The following XKR4 variants were observed in gnomAD, a reference collection of about 807,000 sequenced individuals.
XKR4 encodes the protein XK related 4.
XKR4 carries 12 observed loss-of-function variants against 53.9 expected under a neutral mutation model. The observed-to-expected ratio is 0.22, with a 90% CI of 0.14 to 0.36. The LOEUF is 0.36. XKR4 is among the 10% of genes least tolerant of loss of function. The pLI, the probability that XKR4 is intolerant of heterozygous loss-of-function variation, is 1.00. For missense variants in XKR4, 799 were observed against 859.5 expected, an observed-to-expected ratio of 0.93 and a Z score of 0.88; for synonymous variants, 354 against 362.4, an observed-to-expected ratio of 0.98 and a Z score of 0.26.
intron 2 of XKR4, among the ~76,000 whole-genome samples, chr8:55,520,439 A>C (rs955274983): frequency 6.6e-6 from 1 of 152,190 alleles, no homozygotes; most frequent in Non-Finnish European, 1.5e-5. Flanking sequence ...TACAAAACTT[A>C]GCCAGGCGTG....
At chr8:55,268,009 A>G (rs994382823) in intron 1 of XKR4, among the ~76,000 whole-genome samples, 1 of 152,222 alleles carries the variant, frequency 6.6e-6, no homozygotes, top group Admixed American at 6.5e-5. Context: ...GGACATATGG[A>G]AATGAAAGAT....
intron 1 of XKR4, among the ~76,000 whole-genome samples, chr8:55,199,499 A>G (rs941971221): frequency 2.0e-5 from 3 of 152,208 alleles, no homozygotes; most frequent in Non-Finnish European, 4.4e-5. Flanking sequence ...GTTCATCTTT[A>G]CCACAGACCT....
At chr8:55,260,653 G>A (rs532687368) in intron 1 of XKR4, among the ~76,000 whole-genome samples, 1 of 152,276 alleles carries the variant, frequency 6.6e-6, no homozygotes, top group African/African-American at 2.4e-5. Context: ...TTATAGACAG[G>A]CTTGAGGAGG....
intron 2 of XKR4, among the ~76,000 whole-genome samples, chr8:55,497,317 T>C (rs560876707): frequency 7.2e-5 from 11 of 152,224 alleles, no homozygotes; most frequent in Non-Finnish European, 1.6e-4. Flanking sequence ...ACAAAATTTG[T>C]GGGAGGATTT....
intron 1 of XKR4, among the ~76,000 whole-genome samples, chr8:55,122,156 A>C (rs943616364): frequency 6.1e-4 from 93 of 152,216 alleles, no homozygotes; most frequent in African/African-American, 2.2e-3. Context: ...GCCAACAAAT[A>C]AGATGGCCAT....
At chr8:55,167,855 G>A (rs1010482066) in intron 1 of XKR4, among the ~76,000 whole-genome samples, 2 of 152,206 alleles carry the variant, frequency 1.3e-5, no homozygotes, top group African/African-American at 4.8e-5. Context: ...GGCTGAACCA[G>A]CATAGAAGCC....
chr8:55,273,252 C>A (rs1484850959), intron 1 of XKR4, among the ~76,000 whole-genome samples: 1 of 151,892 alleles, frequency 6.6e-6, no homozygotes, highest in Non-Finnish European at 1.5e-5. Flanking sequence ...CTGAAACCAT[C>A]TTTGCAAAAT....
chr8:55,304,709 A>G (rs991598252), intron 1 of XKR4, among the ~76,000 whole-genome samples: 3 of 152,156 alleles, frequency 2.0e-5, no homozygotes, highest in Non-Finnish European at 4.4e-5. Flanking sequence ...TATTTAGGAT[A>G]GATAGCTCTT....
intron 2 of XKR4, among the ~76,000 whole-genome samples, chr8:55,463,082 T>G (rs376969846): frequency 2.6e-5 from 4 of 151,956 alleles, no homozygotes; most frequent in Admixed American, 2.6e-4. Context: ...AGAAAGTTAA[T>G]GAGGATATCC....
At chr8:55,419,300 G>A (rs184257630) in intron 2 of XKR4, among the ~76,000 whole-genome samples, 2 of 152,242 alleles carry the variant, frequency 1.3e-5, no homozygotes, top group East Asian at 3.9e-4. Flanking sequence ...CATGAGAATC[G>A]CTTGAACCCT....
intron 2 of XKR4, chr8:55,449,472 C>A: frequency 1.0e-6 from 1 of 996,676 alleles, no homozygotes; most frequent in Admixed American, 2.0e-5. Flanking sequence ...TGGTCGGTAA[C>A]GACTGGAAGC....
chr8:55,269,991 A>G (rs1818663339), intron 1 of XKR4, among the ~76,000 whole-genome samples: 1 of 152,198 alleles, frequency 6.6e-6, no homozygotes, highest in Admixed American at 6.5e-5. Flanking sequence ...GTTATTTTGG[A>G]GTCATTGGCA....
chr8:55,472,888 G>A (rs761372012), intron 2 of XKR4, among the ~76,000 whole-genome samples: 22 of 151,928 alleles, frequency 1.4e-4, no homozygotes, highest in Non-Finnish European at 2.5e-4. Flanking sequence ...TTATGTTCTC[G>A]GCATCTTACA....
chr8:55,237,607 G>T (rs1332241850), intron 1 of XKR4, among the ~76,000 whole-genome samples: 3 of 152,170 alleles, frequency 2.0e-5, no homozygotes, highest in Non-Finnish European at 4.4e-5. Context: ...AGCACATGTT[G>T]TTCAAGGATC....
intron 1 of XKR4, among the ~76,000 whole-genome samples, chr8:55,304,258 C>T (rs1475016456): frequency 6.6e-6 from 1 of 152,076 alleles, no homozygotes; most frequent in Non-Finnish European, 1.5e-5. Flanking sequence ...CGTTATGTAC[C>T]CAGTAGTCAT....
intron 1 of XKR4, among the ~76,000 whole-genome samples, chr8:55,182,785 C>A (rs1275166441): frequency 6.7e-6 from 1 of 149,494 alleles, no homozygotes; most frequent in Admixed American, 6.7e-5. Context: ...AGACCTTTTG[C>A]CTTTCATATA....
Position 55,102,638 on chromosome 8 carries a change from C to A in XKR4, c.150C>A (p.Ala50=). 2 of 1,364,150 alleles carry A rather than the reference C, an allele frequency of 1.5e-6. No individual in the cohort carries two copies. Among genetic ancestry groups the A allele is most frequent in the Non-Finnish European group, 1.9e-6 (2 of 1,044,574 alleles). 84.5% of individuals were successfully genotyped at this position (1,364,150 alleles called of 1,614,324 possible). The change falls in exon 1 of 3, where the codon GCC becomes GCA. Residue 50 remains alanine (A), a synonymous_variant. Coordinates refer to ENST00000327381, the MANE Select transcript of XKR4 (RefSeq NM_052898.2). The surrounding 1 kb of genome is among the most constrained non-coding windows in gnomAD (Gnocchi z 5.1). The part of the protein sequence containing the change: ...SGSGAEDEEA[A]GGGCCPDGGG... ...CGGGAGCCGAGGACGAGGAGGCGGCCGGGGGCGGCTGCTGCCCGGACGGCG... is the reference window on the plus strand; with the variant it reads ...CGGGAGCCGAGGACGAGGAGGCGGCAGGGGGCGGCTGCTGCCCGGACGGCG...
Position 55,532,373 on chromosome 8 carries a change from G to T in XKR4, c.*8146G>T, listed in dbSNP as rs184480767. The T allele has an allele frequency of 1.3e-5, 2 of 152,140 alleles. No homozygotes were observed. The highest frequency in any genetic ancestry group is 3.9e-4 in the East Asian group (2 of 5,184). 9.4% of individuals were successfully genotyped at this position (152,140 alleles called of 1,614,324 possible). On this transcript the variant is annotated 3_prime_UTR_variant, in exon 3 of 3. Coordinates refer to ENST00000327381, the MANE Select transcript of XKR4 (RefSeq NM_052898.2). ...ATAATATTTGCTAAGCAAAAATCTT[G>T]TTTAACGAAAAAAATCAATACCAAA... is the stretch of plus-strand genomic sequence containing the variant.
At chr8:55,256,531 T>C (rs1226494989) in intron 1 of XKR4, among the ~76,000 whole-genome samples, 1 of 152,162 alleles carries the variant, frequency 6.6e-6, no homozygotes, top group African/African-American at 2.4e-5. Context: ...AGTTGGTAAT[T>C]AATGGGATGT....
Sources: gnomAD v4.1 joint callset for allele counts (sites outside exome capture counted in the v4.1 genomes callset) on GRCh38, gnomAD v4.1.1 for gene constraint, Gnocchi (gnomAD v3.1) non-coding constraint, MANE v1.5 for transcripts, NCBI Gene and HGNC (gene_info 2026-07-23, HGNC 2026-07-21) for gene names.